Variants in RBFOX1 observed in about 807,000 individuals in gnomAD.
RBFOX1 encodes RNA binding fox-1 homolog 1, also known as RNA binding protein fox-1 homolog 1.
RBFOX1 carries 8 observed loss-of-function variants against 57.7 expected under a neutral mutation model. That is an observed-to-expected ratio of 0.14 (90% CI 0.08 to 0.25). The LOEUF is 0.25. RBFOX1 is among the 10% of genes least tolerant of loss of function. The pLI is 1.00. For missense variants in RBFOX1, 611 were observed against 548.5 expected (o/e 1.11, Z -1.14); for synonymous variants, 326 against 222.4 (o/e 1.47, Z -4.15).
chr16:6,687,110 T>C (rs1236372436), intron 3 of RBFOX1, among the ~76,000 whole-genome samples: 2 of 152,204 alleles, frequency 1.3e-5, no homozygotes, highest in Non-Finnish European at 1.5e-5. Context: ...TGAAGGGCTT[T>C]TGTTGTTATT....
chr16:5,362,700 C>A (rs1214560930), intron 1 of RBFOX1, among the ~76,000 whole-genome samples: 1 of 152,052 alleles, frequency 6.6e-6, no homozygotes, highest in South Asian at 2.1e-4. Context: ...TAGCAACTCC[C>A]CACCCTCTCC....
chr16:7,375,559 G>T lies in RBFOX1; in HGVS notation c.28-142588G>T, dbSNP rs561584182. On this transcript the variant is annotated intron_variant, in intron 4 of 15. Coordinates refer to ENST00000550418, the MANE Select transcript of RBFOX1 (RefSeq NM_018723.4). The stretch of plus-strand genomic sequence containing the variant: ...TTTGGGTGTTCCCAGCTGTGCTTGA[G>T]TGCATTTGAGAAATGGGTTTATACT... 2.0e-5 allele frequency among the ~76,000 whole-genome samples: 3 copies of T among 151,008 alleles called. No individual in the cohort carries two copies. In the South Asian group the frequency reaches 6.3e-4, roughly 32 times the overall value.
chr16:6,821,517 A>G (rs1306922693), intron 3 of RBFOX1, among the ~76,000 whole-genome samples: 2 of 152,204 alleles, frequency 1.3e-5, no homozygotes, highest in East Asian at 3.8e-4. Flanking sequence ...TATCCCAAAA[A>G]GAAATCCCAT....
intron 2 of RBFOX1, among the ~76,000 whole-genome samples, chr16:5,507,381 A>G (rs1182437422): frequency 6.6e-6 from 1 of 152,062 alleles, no homozygotes; most frequent in African/African-American, 2.4e-5. Flanking sequence ...TGTTCCCCCC[A>G]GTTTCTCCAT....
chr16:5,446,803 G>A (rs889312076), intron 1 of RBFOX1, among the ~76,000 whole-genome samples: 3 of 152,104 alleles, frequency 2.0e-5, no homozygotes, highest in African/African-American at 7.2e-5. Context: ...CTCACAGCTG[G>A]GCTCCACGTG....
intron 1 of RBFOX1, among the ~76,000 whole-genome samples, chr16:6,252,424 C>T (rs1241327703): frequency 6.6e-6 from 1 of 152,114 alleles, no homozygotes; most frequent in Admixed American, 6.6e-5. Context: ...GAAGAAAAAG[C>T]ATCTTCCAAG....
chr16:6,642,823 C>A (rs1255269024), intron 2 of RBFOX1, among the ~76,000 whole-genome samples: 1 of 152,044 alleles, frequency 6.6e-6, no homozygotes, highest in East Asian at 1.9e-4. Flanking sequence ...CTGAAGATTC[C>A]TCCAAATGTT....
In RBFOX1 at chr16:6,832,456, C is replaced by T. The variant is rs150628370; in HGVS notation, c.-16+177806C>T. On this transcript the variant is annotated intron_variant, in intron 3 of 15. Transcript: ENST00000550418. ...ATTTGCGATGAAAATGGTGCCAAAA[C>T]CCAGCAGTGGTTGACTGAAATGAAA... Among the ~76,000 whole-genome samples the T allele has an allele frequency of 2.0e-4, 31 of 152,238 alleles. 1 individual carries two copies. The Middle Eastern group carries it at 0.01, about 50-fold the overall frequency.
intron 1 of RBFOX1, among the ~76,000 whole-genome samples, chr16:5,269,827 G>T (rs796210359): frequency 2.6e-5 from 4 of 152,198 alleles, no homozygotes; most frequent in Middle Eastern, 3.2e-3. Flanking sequence ...AACAGCCCAA[G>T]TTGCAATTTT....
intron 5 of RBFOX1, among the ~76,000 whole-genome samples, chr16:7,567,269 A>ATATATATCCCTATATATATATCCC (rs1567864926): frequency 1.5e-5 from 1 of 67,804 alleles, no homozygotes; most frequent in African/African-American, 6.7e-5. Flanking sequence ...ATATATCCCT[A>ATATATATCCCTATATATATATCCC]TATATATATC....
At chr16:5,430,454 G>A (rs1268643630) in intron 1 of RBFOX1, among the ~76,000 whole-genome samples, 1 of 152,212 alleles carries the variant, frequency 6.6e-6, no homozygotes, top group African/African-American at 2.4e-5. Flanking sequence ...ATATGAGAGA[G>A]CTGGGGCTGG....
chr16:5,620,444 C>G (rs962447273), intron 3 of RBFOX1, among the ~76,000 whole-genome samples: 2 of 152,182 alleles, frequency 1.3e-5, no homozygotes, highest in Non-Finnish European at 2.9e-5. Context: ...ACAGATCACC[C>G]AGACTGATCG....
chr16:7,483,922 A>T (rs2064684072), intron 4 of RBFOX1, among the ~76,000 whole-genome samples: 1 of 152,250 alleles, frequency 6.6e-6, no homozygotes, highest in South Asian at 2.1e-4. Context: ...TTGAATTTTG[A>T]TGATTATATA....
chr16:6,691,755 G>T (rs2060243850), intron 3 of RBFOX1, among the ~76,000 whole-genome samples: 2 of 152,196 alleles, frequency 1.3e-5, no homozygotes, highest in Admixed American at 1.3e-4. Flanking sequence ...TTGCAGATAT[G>T]ATTAAGTTGA....
intron 2 of RBFOX1, among the ~76,000 whole-genome samples, chr16:6,562,048 G>T (rs1350810396): frequency 6.6e-6 from 1 of 152,126 alleles, no homozygotes; most frequent in Admixed American, 6.5e-5. Flanking sequence ...AGTTTTCAGC[G>T]GGATATTACT....
intron 3 of RBFOX1, among the ~76,000 whole-genome samples, chr16:6,828,962 G>C (rs939277055): frequency 6.6e-6 from 1 of 151,434 alleles, no homozygotes; most frequent in African/African-American, 2.4e-5. Context: ...TTTCTTGAGT[G>C]TGTACTTTTC....
At chr16:5,725,394 C>T (rs941382570) in intron 3 of RBFOX1, among the ~76,000 whole-genome samples, 1 of 152,040 alleles carries the variant, frequency 6.6e-6, no homozygotes, top group Admixed American at 6.6e-5. Flanking sequence ...CAGGCATGCA[C>T]CACTGCCCCC....
At position 7,712,894 on chromosome 16, in the gene RBFOX1, G is replaced by A. The variant is rs1042815847; in HGVS notation, c.*2149G>A. 1.3e-5 allele frequency: 2 copies of A among 152,150 alleles called. No individual in the cohort carries two copies. Among genetic ancestry groups the A allele is most frequent in the Non-Finnish European group, 2.9e-5 (2 of 68,032 alleles). The allele number at this position is 152,150 out of a possible 1,614,324, so 9.4% of individuals were successfully genotyped here. On this transcript the variant is annotated 3_prime_UTR_variant, in exon 16 of 16. Coordinates refer to ENST00000550418, the MANE Select transcript of RBFOX1 (RefSeq NM_018723.4). ...ACAAACATAGAATTCTTACTGTGTT[G>A]GTTAAAGTAAAATTCATTTGCAGTT... is the stretch of plus-strand genomic sequence containing the variant.
At chr16:7,570,180 A>T (rs1405109261) in intron 5 of RBFOX1, among the ~76,000 whole-genome samples, 24 of 111,214 alleles carry the variant, frequency 2.2e-4, no homozygotes, top group African/African-American at 7.6e-4. Context: ...TTTTTTTTTA[A>T]AAAGTGACTT....
Sources: gnomAD v4.1 joint callset for allele counts (sites outside exome capture counted in the v4.1 genomes callset) on GRCh38, gnomAD v4.1.1 for gene constraint, MANE v1.5 for transcripts, NCBI Gene and HGNC (gene_info 2026-07-23, HGNC 2026-07-21) for gene names.